The following IL31RA variants were observed in gnomAD, a reference collection of about 807,000 sequenced individuals.
IL31RA encodes the protein interleukin-31 receptor subunit alpha.
A neutral mutation model predicts 83.7 loss-of-function variants in IL31RA; 66 were observed. That is an observed-to-expected ratio of 0.79 (90% CI 0.65 to 0.97). IL31RA has a LOEUF of 0.97. IL31RA is among the 50% of genes least tolerant of loss of function. The pLI is 0.00. For missense variants in IL31RA, 798 were observed against 919.4 expected, an observed-to-expected ratio of 0.87 and a Z score of 1.71; for synonymous variants, 325 against 329.0, an observed-to-expected ratio of 0.99 and a Z score of 0.13.
At chr5:55,901,051 A>G (rs1307008685) in intron 8 of IL31RA, among the ~76,000 whole-genome samples, 2 of 152,252 alleles carry the variant, frequency 1.3e-5, no homozygotes, top group African/African-American at 4.8e-5. Flanking sequence ...AGACATTTAC[A>G]CAACCAGTTC....
intron 11 of IL31RA, among the ~76,000 whole-genome samples, chr5:55,910,305 G>A (rs1357951688): frequency 6.6e-6 from 1 of 152,138 alleles, no homozygotes; most frequent in Non-Finnish European, 1.5e-5. Flanking sequence ...GAAATTCAAG[G>A]TTGTGAAGAT....
intron 1 of IL31RA, among the ~76,000 whole-genome samples, chr5:55,858,455 G>C (rs1745482271): frequency 6.6e-6 from 1 of 152,066 alleles, no homozygotes. Context: ...GTTTCCCTTT[G>C]AGTTATATAC....
In IL31RA at chr5:55,909,999, C is replaced by T. The variant is rs533762665; in HGVS notation, c.1502-533C>T. ...GATGACAGGCATGAGCCACTGCGCCCGGCCAGCCCGTTTGTATATCTTCTT... is the reference window on the plus strand; with the variant it reads ...GATGACAGGCATGAGCCACTGCGCCTGGCCAGCCCGTTTGTATATCTTCTT... On this transcript the variant is annotated intron_variant, in intron 11 of 14. Coordinates refer to ENST00000652347, the MANE Select transcript of IL31RA (RefSeq NM_139017.7). 5.3e-5 allele frequency among the ~76,000 whole-genome samples: 8 copies of T among 152,294 alleles called. No homozygotes were observed. The South Asian group carries it at 1.0e-3, about 20-fold the overall frequency.
In IL31RA at chr5:55,872,857, C is replaced by A. The variant is rs1247341854; in HGVS notation, c.454+406C>A. The stretch of plus-strand genomic sequence containing the variant: ...CACCACTTCTGACTTAAAAAAAAAT[C>A]TTTTTCAAAGACTAATTTTCACCAT... On this transcript the variant is annotated intron_variant, in intron 4 of 14. Coordinates refer to ENST00000652347, the MANE Select transcript of IL31RA (RefSeq NM_139017.7). Among the ~76,000 whole-genome samples, 3 of 149,310 alleles carry A rather than the reference C, an allele frequency of 2.0e-5. No homozygotes were observed. The East Asian group carries it at 5.9e-4, about 29-fold the overall frequency.
chr5:55,907,847 G>C (rs1006434697), intron 10 of IL31RA, among the ~76,000 whole-genome samples: 3 of 152,178 alleles, frequency 2.0e-5, no homozygotes, highest in Admixed American at 6.5e-5. Context: ...ATAAGCAAAG[G>C]CTTTACTGGT....
chr5:55,882,881 G>T (rs942228069), intron 4 of IL31RA, among the ~76,000 whole-genome samples, 163 bp from the exon 5 acceptor site: 2 of 152,046 alleles, frequency 1.3e-5, no homozygotes, highest in African/African-American at 4.8e-5. Flanking sequence ...GAGGTGTTGG[G>T]GTTGGGGGGG....
chr5:55,914,621 T>C (rs1237409015), intron 13 of IL31RA, among the ~76,000 whole-genome samples: 5 of 152,186 alleles, frequency 3.3e-5, no homozygotes, highest in African/African-American at 1.2e-4. Context: ...AGGCTTTGTA[T>C]GGGGAGAGTC....
rs1049804672 is a variant in IL31RA at position 55,852,037 on chromosome 5, C to A, written c.63+404C>A. Among the ~76,000 whole-genome samples the A allele has an allele frequency of 2.6e-5, 4 of 152,084 alleles. No homozygotes were observed. The East Asian group carries it at 7.7e-4, about 29-fold the overall frequency. On this transcript the variant is annotated intron_variant, in intron 1 of 14. Coordinates refer to ENST00000652347, the MANE Select transcript of IL31RA (RefSeq NM_139017.7). ...CCAGAATTCTATTTAATACACAACA[C>A]CTTTAGTGAGCTGTTATGCATGTAA...
intron 12 of IL31RA, among the ~76,000 whole-genome samples, chr5:55,911,323 T>A (rs900596914): frequency 3.3e-5 from 5 of 152,154 alleles, no homozygotes; most frequent in Non-Finnish European, 7.4e-5. Context: ...TATCTCCCCC[T>A]GGGTCCCTCC....
chr5:55,909,372 G>T (rs775693887), intron 11 of IL31RA, among the ~76,000 whole-genome samples: 1 of 152,140 alleles, frequency 6.6e-6, no homozygotes, highest in Non-Finnish European at 1.5e-5. Context: ...AACATATGCT[G>T]CTGTGTACAA....
At chr5:55,862,828 G>A (rs569700206) in intron 2 of IL31RA, among the ~76,000 whole-genome samples, 23 of 152,310 alleles carry the variant, frequency 1.5e-4, no homozygotes, top group Non-Finnish European at 1.9e-4. Context: ...ATTCATGACC[G>A]TGGCAGTCTT....
At chr5:55,908,682 T>C (rs1561122001) in intron 11 of IL31RA, 2 of 1,494,334 alleles carry the variant, frequency 1.3e-6, no homozygotes, top group South Asian at 2.6e-5. Context: ...AGGCCCTGAA[T>C]TGACCTCCCG....
chr5:55,898,681 G>GATTTTAAATAACATATTAATATGTT (rs1748611630), intron 7 of IL31RA, among the ~76,000 whole-genome samples: 1 of 148,782 alleles, frequency 6.7e-6, no homozygotes, highest in Non-Finnish European at 1.5e-5. Context: ...TTTTTAAAAA[G>GATTTTAAATAACATATTAATATGTT]ATTTTAAATA....
chr5:55,853,132 A>G (rs181365473), intron 1 of IL31RA, among the ~76,000 whole-genome samples: 19 of 152,338 alleles, frequency 1.2e-4, no homozygotes, highest in Non-Finnish European at 2.1e-4. Flanking sequence ...GTCTAAAGAC[A>G]GTTAACATGA....
At chr5:55,901,895 G>C (rs558023461) in intron 8 of IL31RA, among the ~76,000 whole-genome samples, 1 of 152,128 alleles carries the variant, frequency 6.6e-6, no homozygotes, top group Non-Finnish European at 1.5e-5. Flanking sequence ...GATTACAGGC[G>C]TGAGCCACTG....
chr5:55,900,449 GA>G lies in IL31RA; in HGVS notation c.1069+320del, dbSNP rs532679585. Among the ~76,000 whole-genome samples the G allele has an allele frequency of 4.6e-3, 693 of 152,224 alleles. 3 individuals carry two copies. Among genetic ancestry groups the G allele is most frequent in the African/African-American group, 0.016 (665 of 41,520 alleles). The stretch of plus-strand genomic sequence containing the variant: ...GAATGTAAGCTGGGTCAAGTCCTAT[GA>G]AACTGTCCTATTTCTCACATTTGTC... On this transcript the variant is annotated intron_variant, in intron 8 of 14. Coordinates refer to ENST00000652347, the MANE Select transcript of IL31RA (RefSeq NM_139017.7).
chr5:55,889,846 T>C (rs1747870384), intron 5 of IL31RA, 124 bp from the exon 6 acceptor site: 1 of 840,262 alleles, frequency 1.2e-6, no homozygotes, highest in Non-Finnish European at 2.0e-6. Flanking sequence ...AAATGATATA[T>C]TTTAAAATTT....
At chr5:55,862,001 A>G (rs1745718464) in intron 2 of IL31RA, among the ~76,000 whole-genome samples, 1 of 152,188 alleles carries the variant, frequency 6.6e-6, no homozygotes, top group East Asian at 1.9e-4. Context: ...CCTCTTGCGT[A>G]TGGGAAATTC....
intron 1 of IL31RA, among the ~76,000 whole-genome samples, chr5:55,858,202 T>C (rs551064368): frequency 6.6e-6 from 1 of 152,340 alleles, no homozygotes; most frequent in Non-Finnish European, 1.5e-5. Flanking sequence ...ATTTTAGTTT[T>C]AGCATCTATT....
Sources: gnomAD v4.1 joint callset for allele counts (sites outside exome capture counted in the v4.1 genomes callset) on GRCh38, gnomAD v4.1.1 for gene constraint, MANE v1.5 for transcripts, NCBI Gene and HGNC (gene_info 2026-07-23, HGNC 2026-07-21) for gene names.